The following SRPK2 variants were observed in gnomAD, a reference collection of about 807,000 sequenced individuals.
SRPK2 encodes the protein SFRS protein kinase 2.
SRPK2 carries 21 observed loss-of-function variants against 90.8 expected under a neutral mutation model. That is an observed-to-expected ratio of 0.23 (90% CI 0.16 to 0.33). The LOEUF (loss-of-function observed/expected upper bound fraction) is 0.33. SRPK2 is among the 10% of genes least tolerant of loss of function. The pLI is 1.00. For missense variants in SRPK2, 620 were observed against 869.0 expected (o/e 0.71, Z 3.60); for synonymous variants, 288 against 311.1 (o/e 0.93, Z 0.78).
chr7:105,212,468 T>A (rs1796974385), intron 2 of SRPK2, among the ~76,000 whole-genome samples: 1 of 152,204 alleles, frequency 6.6e-6, no homozygotes. Context: ...AGGAGGTCCA[T>A]GTCTCAGGGA....
At chr7:105,328,770 C>T (rs1235212935) in intron 2 of SRPK2, among the ~76,000 whole-genome samples, 2 of 149,162 alleles carry the variant, frequency 1.3e-5, no homozygotes, top group East Asian at 4.0e-4. Context: ...GAGGCTGAGG[C>T]AGGAGAATGG....
intron 11 of SRPK2, among the ~76,000 whole-genome samples, chr7:105,134,391 T>C (rs967848245): frequency 6.6e-6 from 1 of 152,224 alleles, no homozygotes; most frequent in African/African-American, 2.4e-5. Context: ...CTTCCCCTTC[T>C]ACCATATTTG....
At chr7:105,203,126 C>A (rs1795765163) in intron 3 of SRPK2, among the ~76,000 whole-genome samples, 1 of 152,124 alleles carries the variant, frequency 6.6e-6, no homozygotes. Context: ...GTGCCTGGAA[C>A]TACAGGCACT....
At chr7:105,375,074 G>A (rs1014049023) in intron 2 of SRPK2, among the ~76,000 whole-genome samples, 4 of 152,138 alleles carry the variant, frequency 2.6e-5, no homozygotes, top group Non-Finnish European at 5.9e-5. Context: ...ATGCTGGCTG[G>A]TGAGAATATG....
intron 2 of SRPK2, among the ~76,000 whole-genome samples, chr7:105,315,326 T>C (rs190822316): frequency 1.3e-5 from 2 of 152,310 alleles, no homozygotes; most frequent in African/African-American, 4.8e-5. Flanking sequence ...ATTTTAATAA[T>C]ACTAACTCTA....
chr7:105,170,898 A>AAAG (rs1790885418), intron 3 of SRPK2, among the ~76,000 whole-genome samples: 17 of 104,270 alleles, frequency 1.6e-4, no homozygotes, highest in Non-Finnish European at 3.1e-4. Flanking sequence ...AAAGAAAGAA[A>AAAG]GAAAGAAAGA....
intron 13 of SRPK2, among the ~76,000 whole-genome samples, chr7:105,129,612 T>G (rs933340934): frequency 6.6e-6 from 1 of 152,138 alleles, no homozygotes; most frequent in African/African-American, 2.4e-5. Flanking sequence ...TGGCCTCAAG[T>G]GATCTGCCTG....
At chr7:105,296,467 T>C (rs1741545628) in intron 2 of SRPK2, among the ~76,000 whole-genome samples, 1 of 152,118 alleles carries the variant, frequency 6.6e-6, no homozygotes, top group African/African-American at 2.4e-5. Context: ...TTCCAGTTAG[T>C]GTATAAGATT....
intron 2 of SRPK2, among the ~76,000 whole-genome samples, chr7:105,219,362 C>G (rs895527402): frequency 2.6e-5 from 4 of 152,186 alleles, no homozygotes; most frequent in African/African-American, 4.8e-5. Flanking sequence ...ACGCCCTGGA[C>G]AGGAATACGG....
chr7:105,184,598 G>C lies in SRPK2; in HGVS notation c.230-15333C>G, dbSNP rs73715437. ...GCCTCTTCCTTGATTTAGGTTGCTA[G>C]AAGCTTTTAACTTCAGTGTTCAAAA... is the stretch of plus-strand genomic sequence containing the variant. On this transcript the variant is annotated intron_variant, in intron 3 of 15. Transcript: ENST00000393651. Among the ~76,000 whole-genome samples, 512 of 152,292 alleles carry C rather than the reference G, an allele frequency of 3.4e-3. 2 individuals carry two copies. Among genetic ancestry groups the C allele is most frequent in the African/African-American group, 0.011 (477 of 41,552 alleles).
At chr7:105,342,179 C>T (rs1815891183) in intron 2 of SRPK2, among the ~76,000 whole-genome samples, 1 of 151,604 alleles carries the variant, frequency 6.6e-6, no homozygotes, top group African/African-American at 2.4e-5. Flanking sequence ...AAAAAATGAG[C>T]CAGGCATGGT....
At chr7:105,230,562 G>C (rs1170035016) in intron 2 of SRPK2, among the ~76,000 whole-genome samples, 1 of 152,202 alleles carries the variant, frequency 6.6e-6, no homozygotes, top group Non-Finnish European at 1.5e-5. Context: ...CCAGAGACCA[G>C]ATTTCTTTTC....
chr7:105,320,660 C>T (rs904470118), intron 2 of SRPK2, among the ~76,000 whole-genome samples: 2 of 152,200 alleles, frequency 1.3e-5, no homozygotes, highest in African/African-American at 4.8e-5. Context: ...AAAACCCTAT[C>T]TACCATCAAA....
At chr7:105,151,280 T>C (rs1283657672) in intron 7 of SRPK2, among the ~76,000 whole-genome samples, 1 of 152,202 alleles carries the variant, frequency 6.6e-6, no homozygotes, top group Non-Finnish European at 1.5e-5. Flanking sequence ...CAGACTGCTC[T>C]TAAATTACTG....
rs568928609 is a variant in SRPK2 at position 105,127,414 on chromosome 7, C to T, written c.1753-352G>A. ...CAACCCAGGACTCAACAAGGCCCGT[C>T]TGACTCCAGCACCTGCCTCAACCAC... On this transcript the variant is annotated intron_variant, in intron 13 of 15. Coordinates refer to ENST00000393651, the MANE Select transcript of SRPK2 (RefSeq NM_182692.3). Among the ~76,000 whole-genome samples, 14 of 152,370 alleles carry T rather than the reference C, an allele frequency of 9.2e-5. No individual in the cohort carries two copies. The South Asian group carries it at 2.9e-3, about 32-fold the overall frequency.
intron 2 of SRPK2, among the ~76,000 whole-genome samples, chr7:105,212,747 T>C (rs1470512829): frequency 3.3e-5 from 5 of 152,150 alleles, no homozygotes; most frequent in African/African-American, 4.8e-5. Context: ...AACGCTGCAA[T>C]TGTTAGTCCA....
rs562793621 is a variant in SRPK2 at position 105,201,559 on chromosome 7, C to A, written c.229+2069G>T. ...CAGATGAACAAGACAGTTTTCACTC[C>A]TGCTTGGTAGAACCTATTTGCTGAA... On this transcript the variant is annotated intron_variant, in intron 3 of 15. Transcript: ENST00000393651. Among the ~76,000 whole-genome samples, 4 of 151,928 alleles carry A rather than the reference C, an allele frequency of 2.6e-5. No homozygotes were observed. In the South Asian group the frequency reaches 8.4e-4, roughly 32 times the overall value.
chr7:105,303,465 A>G (rs540978430), intron 2 of SRPK2, among the ~76,000 whole-genome samples: 1 of 151,260 alleles, frequency 6.6e-6, no homozygotes, highest in African/African-American at 2.4e-5. Flanking sequence ...AGTATAATTA[A>G]AAAAAAAATG....
At chr7:105,285,482 T>C (rs959173054) in intron 2 of SRPK2, among the ~76,000 whole-genome samples, 6 of 151,762 alleles carry the variant, frequency 4.0e-5, no homozygotes, top group African/African-American at 1.5e-4. Context: ...AGGATAATAA[T>C]TGTATTTCAA....
Sources: gnomAD v4.1 joint callset for allele counts (sites outside exome capture counted in the v4.1 genomes callset) on GRCh38, gnomAD v4.1.1 for gene constraint, MANE v1.5 for transcripts, NCBI Gene and HGNC (gene_info 2026-07-23, HGNC 2026-07-21) for gene names.